The following LNPEP variants were observed in gnomAD, a reference collection of about 807,000 sequenced individuals.
The protein encoded by LNPEP is leucyl-cystinyl aminopeptidase.
LNPEP carries 64 observed loss-of-function variants against 120.6 expected under a neutral mutation model. The ratio of observed to expected loss-of-function variants is 0.53; its 90% confidence interval spans 0.43 to 0.65. LNPEP has a LOEUF of 0.65. Ranked by LOEUF, LNPEP falls within the 30% of genes least tolerant of loss-of-function variation. The pLI is 0.00. For synonymous variants in LNPEP, 435 were observed against 425.4 expected, an observed-to-expected ratio of 1.02 and a Z score of -0.28; for missense variants, 1,057 against 1,200.0, an observed-to-expected ratio of 0.88 and a Z score of 1.76.
intron 1 of LNPEP, among the ~76,000 whole-genome samples, chr5:96,945,405 CAAAAA>C (rs751074987): frequency 7.7e-5 from 5 of 65,298 alleles, no homozygotes; most frequent in Non-Finnish European, 1.5e-4. Flanking sequence ...GACCCTATCT[CAAAAA>C]AAAAAAAAAA....
At chr5:97,010,449 A>C (rs1790898989) in intron 11 of LNPEP, 1 of 984,868 alleles carries the variant, frequency 1.0e-6, no homozygotes, top group Non-Finnish European at 1.2e-6. Context: ...CTAATAAAGG[A>C]GAAAGAAAGG....
At chr5:96,961,041 C>G (rs1475839214) in intron 1 of LNPEP, among the ~76,000 whole-genome samples, 1 of 151,934 alleles carries the variant, frequency 6.6e-6, no homozygotes, top group East Asian at 1.9e-4. Context: ...TGTGAAAGTT[C>G]ATTTAAATAT....
intron 1 of LNPEP, among the ~76,000 whole-genome samples, chr5:96,939,487 A>G (rs1446981255): frequency 6.6e-6 from 1 of 152,172 alleles, no homozygotes; most frequent in Non-Finnish European, 1.5e-5. Context: ...GATTACAGGC[A>G]TGAGCCACCG....
intron 14 of LNPEP, among the ~76,000 whole-genome samples, 176 bp from the exon 15 acceptor site, chr5:97,024,345 C>T (rs1202335587): frequency 1.3e-5 from 2 of 152,190 alleles, no homozygotes; most frequent in African/African-American, 4.8e-5. Context: ...TATCCATAGA[C>T]ACACTACTAG....
At chr5:96,954,096 G>A (rs1789384873) in intron 1 of LNPEP, among the ~76,000 whole-genome samples, 1 of 152,088 alleles carries the variant, frequency 6.6e-6, no homozygotes, top group Non-Finnish European at 1.5e-5. Flanking sequence ...TTGGGTTATG[G>A]CATGCTAAAA....
chr5:96,994,684 A>G (rs983308805), intron 6 of LNPEP, among the ~76,000 whole-genome samples: 1 of 152,170 alleles, frequency 6.6e-6, no homozygotes, highest in African/African-American at 2.4e-5. Flanking sequence ...GGGTGATGTC[A>G]TGACAGTGGC....
At chr5:96,988,148 ACTCT>A (rs1445211340) in intron 4 of LNPEP, among the ~76,000 whole-genome samples, 2 of 137,674 alleles carry the variant, frequency 1.5e-5, no homozygotes, top group African/African-American at 2.8e-5. Context: ...CTTCCTCTTC[ACTCT>A]CTCTCTTCCT....
chr5:96,994,166 G>A (rs902591694), intron 6 of LNPEP, among the ~76,000 whole-genome samples, 195 bp downstream of exon 6: 10 of 152,076 alleles, frequency 6.6e-5, no homozygotes, highest in African/African-American at 2.2e-4. Flanking sequence ...ACAGGTTAAA[G>A]CATTTTCACA....
chr5:97,027,647 G>T, intron 16 of LNPEP, 86 bp from the exon 17 acceptor site: 1 of 821,178 alleles, frequency 1.2e-6, no homozygotes, highest in Non-Finnish European at 2.1e-6. Context: ...TCTGGCTTTG[G>T]CATTAAAGAC....
intron 7 of LNPEP, among the ~76,000 whole-genome samples, chr5:96,997,416 C>T (rs1790539379): frequency 6.6e-6 from 1 of 152,018 alleles, no homozygotes; most frequent in Admixed American, 6.6e-5. Flanking sequence ...ATGTATACTA[C>T]TTAATTAAGT....
intron 1 of LNPEP, among the ~76,000 whole-genome samples, chr5:96,966,506 A>G (rs1468456280): frequency 8.7e-6 from 1 of 114,660 alleles, no homozygotes; most frequent in African/African-American, 3.3e-5. Flanking sequence ...TCTTACATAT[A>G]TTTGTGTGTG....
At chr5:97,011,915 C>A (rs1305918973) in intron 11 of LNPEP, among the ~76,000 whole-genome samples, 9 of 152,122 alleles carry the variant, frequency 5.9e-5, no homozygotes, top group Admixed American at 5.2e-4. Flanking sequence ...ATATTAAGGG[C>A]ATCTGACACA....
At chr5:97,002,972 G>A (rs1790689255) in intron 8 of LNPEP, among the ~76,000 whole-genome samples, 1 of 152,178 alleles carries the variant, frequency 6.6e-6, no homozygotes. Context: ...ACCTAGCAGG[G>A]AGACTTTTGA....
At chr5:96,990,432 A>ATTGTTATTGGTTAACAT (rs1790364052) in intron 4 of LNPEP, among the ~76,000 whole-genome samples, 1 of 152,198 alleles carries the variant, frequency 6.6e-6, no homozygotes, top group African/African-American at 2.4e-5. Context: ...ACATATTTTT[A>ATTGTTATTGGTTAACAT]ATTGGTTAAC....
chr5:96,999,833 G>A (rs1178818340), intron 8 of LNPEP, among the ~76,000 whole-genome samples: 1 of 151,506 alleles, frequency 6.6e-6, no homozygotes, highest in Admixed American at 6.6e-5. Flanking sequence ...TAAGAGAAGT[G>A]GGATACTAGA....
chr5:96,961,176 AAAAAC>A (rs200558818), intron 1 of LNPEP, among the ~76,000 whole-genome samples: 2,147 of 152,296 alleles, frequency 0.014, 18 homozygotes, highest in Non-Finnish European at 0.021. Flanking sequence ...TTCACCTTTC[AAAAAC>A]AAAACAAAAA....
chr5:97,002,006 G>T (rs1483090048), intron 8 of LNPEP, among the ~76,000 whole-genome samples: 1 of 152,160 alleles, frequency 6.6e-6, no homozygotes, highest in Non-Finnish European at 1.5e-5. Flanking sequence ...TGGGCGTGGT[G>T]GTGGTGCCTG....
Position 96,979,434 on chromosome 5 carries a change from C to A in LNPEP, c.316C>A (p.Pro106Thr). Residue 106 changes from proline (P) to threonine (T), a missense_variant, in exon 2 of 18, where the codon CCC becomes ACC. Transcript: ENST00000231368. Reference sequence around the variant, plus strand: ...GAGCCCAGATGGGGCTTGTTCAGTACCCTCTGCAAGGACCATGGTGGTCTG... The same window carrying A: ...GAGCCCAGATGGGGCTTGTTCAGTAACCTCTGCAAGGACCATGGTGGTCTG... ...RQSPDGACSV[P>T]SARTMVVCAF... 6.2e-7 allele frequency: 1 copy of A among 1,614,048 alleles called. No homozygotes were observed. Among genetic ancestry groups the A allele is most frequent in the African/African-American group, 1.3e-5 (1 of 75,046 alleles).
In LNPEP at chr5:96,996,386, C is replaced by A. The variant is rs183016551; in HGVS notation, c.1408-4C>A. Reference sequence around the variant, plus strand: ...TGTGGGTTAATTGTTTTCTCTCCCCCCAGTGGTTTGGCAATCTGGTAACAA... The same window carrying A: ...TGTGGGTTAATTGTTTTCTCTCCCCACAGTGGTTTGGCAATCTGGTAACAA... On this transcript the variant is annotated splice_region_variant and splice_polypyrimidine_tract_variant and intron_variant, in intron 6 of 17. Transcript: ENST00000231368. 4 of 1,555,926 alleles carry A rather than the reference C, an allele frequency of 2.6e-6. No homozygotes were observed. The highest frequency in any genetic ancestry group is 2.2e-5 in the East Asian group (1 of 44,484).
Sources: gnomAD v4.1 joint callset for allele counts (sites outside exome capture counted in the v4.1 genomes callset) on GRCh38, gnomAD v4.1.1 for gene constraint, MANE v1.5 for transcripts, NCBI Gene and HGNC (gene_info 2026-07-23, HGNC 2026-07-21) for gene names.